The following KANK4 variants were observed in gnomAD, a reference collection of about 807,000 sequenced individuals.
KANK4 encodes KN motif and ankyrin repeat domain-containing protein 4.
A neutral mutation model predicts 80.8 loss-of-function variants in KANK4; 50 were observed. That is an observed-to-expected ratio of 0.62 (90% CI 0.49 to 0.78). KANK4 has a LOEUF of 0.78. KANK4 is among the 30% of genes least tolerant of loss of function. The pLI, the probability that KANK4 is intolerant of heterozygous loss-of-function variation, is 0.00. For missense variants in KANK4, 1,196 were observed against 1,240.1 expected (o/e 0.96, Z 0.53); for synonymous variants, 465 against 506.9 (o/e 0.92, Z 1.11).
At chr1:62,257,758 C>A (rs1377121196) in intron 7 of KANK4, among the ~76,000 whole-genome samples, 1 of 152,200 alleles carries the variant, frequency 6.6e-6, no homozygotes, top group African/African-American at 2.4e-5. Flanking sequence ...CCCCAACCCC[C>A]TTCTTACTTT....
chr1:62,245,095 C>T (rs988393929), intron 9 of KANK4, among the ~76,000 whole-genome samples: 9 of 152,212 alleles, frequency 5.9e-5, no homozygotes, highest in Non-Finnish European at 8.8e-5. Context: ...CAGGCCTCTT[C>T]GGGCATCAGC....
intron 9 of KANK4, among the ~76,000 whole-genome samples, chr1:62,244,937 T>C (rs1398939451): frequency 2.0e-5 from 3 of 152,164 alleles, no homozygotes; most frequent in African/African-American, 7.2e-5. Flanking sequence ...TCTTCCACCA[T>C]CAGAAAACAG....
In KANK4 at chr1:62,311,668, C is replaced by T. The variant is rs568188504; in HGVS notation, c.-71+7438G>A. Among the ~76,000 whole-genome samples the T allele has an allele frequency of 1.5e-4, 23 of 152,260 alleles. No homozygotes were observed. In the South Asian group the frequency reaches 3.5e-3, roughly 23 times the overall value. On this transcript the variant is annotated intron_variant, in intron 1 of 9. Transcript: ENST00000371153. ...TTAACCTCTCGGGATCATCATTGCG[C>T]GCTAGGTGGTTGTTCCAGTAGATTG...
At chr1:62,278,256 T>C (rs1446164397) in intron 2 of KANK4, among the ~76,000 whole-genome samples, 1 of 151,900 alleles carries the variant, frequency 6.6e-6, no homozygotes, top group African/African-American at 2.4e-5. Context: ...CTCAAGGTAA[T>C]GGAGGGAAAG....
intron 1 of KANK4, among the ~76,000 whole-genome samples, chr1:62,300,957 G>A (rs1200919937): frequency 6.6e-6 from 1 of 151,828 alleles, no homozygotes; most frequent in East Asian, 1.9e-4. Context: ...TTCTTCTCCT[G>A]TACTGAACCA....
chr1:62,283,660 T>C (rs759898186), intron 1 of KANK4, among the ~76,000 whole-genome samples: 1 of 152,138 alleles, frequency 6.6e-6, no homozygotes, highest in Non-Finnish European at 1.5e-5. Context: ...TTGTAAAGCC[T>C]CCTGAGCCAA....
chr1:62,279,241 C>A (rs1271180824), intron 2 of KANK4, among the ~76,000 whole-genome samples: 1 of 69,450 alleles, frequency 1.4e-5, no homozygotes, highest in African/African-American at 4.9e-5. Context: ...CACACACACA[C>A]AGAGTGATCC....
chr1:62,305,981 C>CTT (rs1491483235), intron 1 of KANK4, among the ~76,000 whole-genome samples: 5 of 132,708 alleles, frequency 3.8e-5, no homozygotes, highest in African/African-American at 1.9e-4. Flanking sequence ...CCATTACAGA[C>CTT]TCTCTCTCTC....
rs766075661 is a variant in KANK4 at position 62,271,482 on chromosome 1, C to T, written c.2008G>A (p.Gly670Ser). Residue 670 changes from glycine (G) to serine (S), a missense_variant, in exon 4 of 10, where the codon GGT becomes AGT. Around this residue, in one of 3 missense-constraint regions of KANK4, gnomAD observed 1,154 missense variants for 1,179.6 expected, o/e 0.98. Transcript: ENST00000371153. ...AGCTTCACAAGCGATGCTTACCCAC[C>T]GTTAACCCCAACAAACTGAAGGTTC... ...KKNLQFVGVN[G>S]GYETTSSEET... 5.0e-6 allele frequency: 8 copies of T among 1,608,486 alleles called. No individual in the cohort carries two copies. Among genetic ancestry groups the T allele is most frequent in the Non-Finnish European group, 6.0e-6 (7 of 1,175,030 alleles).
In KANK4 at chr1:62,236,618, C is replaced by CA. The variant is rs1405990215; in HGVS notation, c.*1658dup. On this transcript the variant is annotated 3_prime_UTR_variant, in exon 10 of 10. Transcript: ENST00000371153. ...ATTTTTTTTTTTTTTTTTTTTGAGA[C>CA]AGAGTTTTGCTCGTTACCCAGGCTG... Among the ~76,000 whole-genome samples the CA allele has an allele frequency of 4.4e-5, 5 of 114,160 alleles. 1 individual carries two copies. Among genetic ancestry groups the CA allele is most frequent in the African/African-American group, 1.8e-4 (5 of 27,124 alleles). The allele number at this position is 114,160 out of a possible 152,430, so 74.9% of individuals were successfully genotyped here.
chr1:62,261,348 G>C (rs904510657), intron 7 of KANK4, among the ~76,000 whole-genome samples: 1 of 151,810 alleles, frequency 6.6e-6, no homozygotes, highest in Non-Finnish European at 1.5e-5. Context: ...TTAATAGAGA[G>C]AGGGTTTCCC....
At chr1:62,293,062 T>TTGTGTGTGTGTGTGTG (rs5774593) in intron 1 of KANK4, among the ~76,000 whole-genome samples, 2 of 146,682 alleles carry the variant, frequency 1.4e-5, no homozygotes, top group Admixed American at 6.8e-5. Flanking sequence ...GTCTCAATCT[T>TTGTGTGTGTGTGTGTG]TGTGTGTGTG....
At chr1:62,302,716 C>T (rs749064432) in intron 1 of KANK4, among the ~76,000 whole-genome samples, 6 of 152,078 alleles carry the variant, frequency 3.9e-5, no homozygotes, top group Non-Finnish European at 5.9e-5. Context: ...AATCTGCCAG[C>T]GCTTTGACCC....
In KANK4 at chr1:62,273,311, C is replaced by T. The variant is rs1672212291; in HGVS notation, c.1793G>A (p.Ser598Asn). 6.2e-7 allele frequency: 1 copy of T among 1,605,484 alleles called. No individual in the cohort carries two copies. The highest frequency in any genetic ancestry group is 1.1e-5 in the South Asian group (1 of 90,538). Reference sequence around the variant, plus strand: ...GGAGCTCAGCAGCTGGCTCTGGATGCTGCTGAGCTTGGAGGCTGGCTGCTT... The same window carrying T: ...GGAGCTCAGCAGCTGGCTCTGGATGTTGCTGAGCTTGGAGGCTGGCTGCTT... Reference protein sequence around the residue: ...AIKQPASKLSSIQSQLLSSLN... With the variant: ...AIKQPASKLSNIQSQLLSSLN... Residue 598 changes from serine (S) to asparagine (N), a missense_variant, in exon 3 of 10, where the codon AGC becomes AAC. Ser to Asn is a conservative substitution (Grantham distance 46). Around this residue, in one of 3 missense-constraint regions of KANK4, gnomAD observed 1,154 missense variants for 1,179.6 expected, o/e 0.98. Transcript: ENST00000371153.
chr1:62,266,750 G>A lies in KANK4; in HGVS notation c.2301C>T (p.Thr767=), dbSNP rs140524335. The change falls in exon 6 of 10, where the codon ACC becomes ACT. Residue 767 remains threonine (T), a synonymous_variant. Coordinates refer to ENST00000371153, the MANE Select transcript of KANK4 (RefSeq NM_181712.5). ...ALSQHLPETG[T]TTDQLLRQSL... ...AGAGTACCAAGAGCTGGTCTGTGGTGGTCCCAGTTTCTGGCAGATGCTGGC... is the reference window on the plus strand; with the variant it reads ...AGAGTACCAAGAGCTGGTCTGTGGTAGTCCCAGTTTCTGGCAGATGCTGGC... The A allele has an allele frequency of 3.1e-6, 5 of 1,609,380 alleles. No homozygotes were observed. Among genetic ancestry groups the A allele is most frequent in the East Asian group, 4.5e-5 (2 of 44,864 alleles).
Position 62,274,509 on chromosome 1 carries a change from C to A in KANK4, c.595G>T (p.Val199Phe). ...GCAGGTTCAAAGGTGCCATCACAGA[C>A]ACTGCCTTCACCCTGAAGGGGAGGG... ...ALPPLQGEGS[V>F]CDGTFEPAEG... is the part of the protein sequence containing the mutation. Residue 199 changes from valine (V) to phenylalanine (F), a missense_variant, in exon 3 of 10, where the codon GTC (valine) becomes TTC (phenylalanine). Around this residue, in one of 3 missense-constraint regions of KANK4, gnomAD observed 1,154 missense variants for 1,179.6 expected, o/e 0.98. Coordinates refer to ENST00000371153, the MANE Select transcript of KANK4 (RefSeq NM_181712.5). The A allele has an allele frequency of 6.2e-7, 1 of 1,614,228 alleles. No homozygotes were observed.
chr1:62,277,409 C>T (rs906657296), intron 2 of KANK4, among the ~76,000 whole-genome samples: 1 of 152,134 alleles, frequency 6.6e-6, no homozygotes, highest in Admixed American at 6.6e-5. Context: ...ATTCCTACCC[C>T]CTTTGGACAA....
rs186107896 is a variant in KANK4 at position 62,271,723 on chromosome 1, T to A, written c.1901-134A>T. ...TAAGGAGGGACAGGGAACCAGATCA[T>A]GTAAATCAATGTTTTGGGGACCTCT... is the stretch of plus-strand genomic sequence containing the variant. On this transcript the variant is annotated intron_variant, in intron 3 of 9. Coordinates refer to ENST00000371153, the MANE Select transcript of KANK4 (RefSeq NM_181712.5). 358 of 633,354 alleles carry A rather than the reference T, an allele frequency of 5.7e-4. 2 individuals are homozygous for A. In the African/African-American group the frequency reaches 5.8e-3, roughly 10 times the overall value. The allele number at this position is 633,354 out of a possible 1,614,324, so 39.2% of individuals were successfully genotyped here. A position where few individuals can be genotyped will look rare whatever the true frequency, so the allele number is the denominator to read the frequency against.
chr1:62,265,083 G>T (rs971062112), intron 6 of KANK4, among the ~76,000 whole-genome samples: 1 of 152,142 alleles, frequency 6.6e-6, no homozygotes, highest in Non-Finnish European at 1.5e-5. Context: ...CGTCCATCTC[G>T]GCCTTCCAAA....
Sources: allele counts gnomAD v4.1 joint callset (sites outside exome capture counted in the v4.1 genomes callset), GRCh38; gene constraint gnomAD v4.1.1; regional missense constraint gnomAD v4.1.1; transcripts MANE v1.5; gene names NCBI Gene and HGNC (gene_info 2026-07-23, HGNC 2026-07-21).